The following DSP variants were observed in gnomAD, a reference collection of about 807,000 sequenced individuals.
DSP encodes desmoplakin, also known as 250/210 kDa paraneoplastic pemphigus antigen.
Under a neutral mutation model 290.6 loss-of-function variants are expected in DSP, and 114 were observed. That is an observed-to-expected ratio of 0.39 (90% CI 0.34 to 0.46). The LOEUF is 0.46. Ranked by LOEUF, DSP falls within the 20% of genes least tolerant of loss-of-function variation. The pLI, the probability that DSP is intolerant of heterozygous loss-of-function variation, is 0.99. For synonymous variants in DSP, 1,311 were observed against 1,316.4 expected, an observed-to-expected ratio of 1.00 and a Z score of 0.09; for missense variants, 3,230 against 3,495.8, an observed-to-expected ratio of 0.92 and a Z score of 1.92.
At chr6:7,577,477 C>T (rs937520794) in intron 20 of DSP, among the ~76,000 whole-genome samples, 3 of 152,104 alleles carry the variant, frequency 2.0e-5, no homozygotes, top group African/African-American at 7.2e-5. Flanking sequence ...TACAGGCATG[C>T]ACCACCATGC....
intron 8 of DSP, 91 bp from the exon 9 acceptor site, chr6:7,567,263 A>T: frequency 9.9e-7 from 1 of 1,015,194 alleles, no homozygotes; most frequent in Non-Finnish European, 1.6e-6. Flanking sequence ...AAAACTGCTT[A>T]CTAGCTTTCA....
chr6:7,571,287 G>A, intron 13 of DSP, 96 bp from the exon 14 acceptor site: 1 of 1,163,880 alleles, frequency 8.6e-7, no homozygotes. Flanking sequence ...GTTGCTTTGA[G>A]TCCCATCTAG....
intron 1 of DSP, among the ~76,000 whole-genome samples, chr6:7,543,265 A>G (rs1758070580): frequency 6.6e-6 from 1 of 152,078 alleles, no homozygotes; most frequent in Non-Finnish European, 1.5e-5. Flanking sequence ...TGGGAGGAGC[A>G]ACCTGAATGC....
In DSP at chr6:7,585,729, C is replaced by G. The variant is rs142717240; in HGVS notation, c.8467C>G (p.Pro2823Ala). 5.2e-4 allele frequency: 843 copies of G among 1,612,342 alleles called. 3 individuals are homozygous for G. Among genetic ancestry groups the G allele is most frequent in the Non-Finnish European group, 6.3e-4 (739 of 1,179,000 alleles). The change falls in exon 24 of 24, where the codon CCG (proline) becomes GCG (alanine). Residue 2823 changes from proline to alanine, a missense_variant. Physicochemically the swap from Pro to Ala is conservative, Grantham distance 27. Around this residue, in one of 5 missense-constraint regions of DSP, gnomAD observed 582 missense variants for 555.4 expected, o/e 1.05. Transcript: ENST00000379802. ...LPSPYNMSSA[P>A]GSRSGSRSGS... ...CAGCCCTTACAACATGTCTTCGGCT[C>G]CGGGGTCCCGCTCCGGCTCCCGCTC...
At chr6:7,555,483 A>G (rs1758480540) in intron 1 of DSP, among the ~76,000 whole-genome samples, 1 of 152,210 alleles carries the variant, frequency 6.6e-6, no homozygotes. Context: ...GGGCATGGTT[A>G]TTCTCAAGTG....
In DSP at chr6:7,579,801, G is replaced by A; in HGVS notation, c.3611G>A (p.Ser1204Asn). 1 of 1,613,804 alleles carries A rather than the reference G, an allele frequency of 6.2e-7. No individual in the cohort carries two copies. The highest frequency in any genetic ancestry group is 8.5e-7 in the Non-Finnish European group (1 of 1,179,910). ...KVRNHYNEEMSNLRNKYETEI... is the reference protein window; with the variant it reads ...KVRNHYNEEMNNLRNKYETEI... ...AGAAACCACTATAATGAGGAGATGA[G>A]TAATTTAAGGAACAAGTATGAAACA... The change falls in exon 23 of 24, where the codon AGT becomes AAT. Residue 1204 changes from serine to asparagine, a missense_variant. Physicochemically the swap from Ser to Asn is conservative, Grantham distance 46. Transcript: ENST00000379802. The surrounding 1 kb of genome is among the most constrained non-coding windows in gnomAD (Gnocchi z 4.1).
At position 7,565,355 on chromosome 6, in the gene DSP, G is replaced by C. The variant is rs1296932263; in HGVS notation, c.778-4G>C. On this transcript the variant is annotated splice_region_variant and splice_polypyrimidine_tract_variant and intron_variant, in intron 6 of 23. Coordinates refer to ENST00000379802, the MANE Select transcript of DSP (RefSeq NM_004415.4). The surrounding 1 kb of genome is among the most constrained non-coding windows in gnomAD (Gnocchi z 4.2). ...TTAATGCTGCCTTTGAACCTCCTGT[G>C]CAGAAAGCGTCCTTTGAGAGGATGG... The C allele has an allele frequency of 6.2e-7, 1 of 1,613,994 alleles. No homozygotes were observed.
In DSP at chr6:7,565,788, A is replaced by G; in HGVS notation, c.939+268A>G. On this transcript the variant is annotated intron_variant, in intron 7 of 23. Coordinates refer to ENST00000379802, the MANE Select transcript of DSP (RefSeq NM_004415.4). The surrounding 1 kb of genome is among the most constrained non-coding windows in gnomAD (Gnocchi z 4.2). Reference sequence around the variant, plus strand: ...CTAAATGATGAGAATACATGGATACATCGAGGGCAACAACACACACTGGGG... The same window carrying G: ...CTAAATGATGAGAATACATGGATACGTCGAGGGCAACAACACACACTGGGG... 2.2e-6 allele frequency: 1 copy of G among 455,150 alleles called. No homozygotes were observed. Among genetic ancestry groups the G allele is most frequent in the Non-Finnish European group, 4.1e-6 (1 of 246,866 alleles). The allele number at this position is 455,150 out of a possible 1,614,324, so 28.2% of individuals were successfully genotyped here.
chr6:7,575,679 T>G (rs1330251128), intron 18 of DSP, among the ~76,000 whole-genome samples, 191 bp downstream of exon 18: 1 of 152,190 alleles, frequency 6.6e-6, no homozygotes, highest in East Asian at 1.9e-4. Flanking sequence ...TGCATCACGA[T>G]AGCCAACCCT....
In DSP at chr6:7,574,175, C is replaced by T; in HGVS notation, c.2220C>T (p.Cys740=). The change falls in exon 16 of 24, where the codon TGC becomes TGT. Residue 740 remains cysteine, a synonymous_variant. Transcript: ENST00000379802. The part of the protein sequence containing the change: ...LANFRGSEKY[C]YLQNEVFGLF... ...ACTTCAGAGGTTCTGAAAAGTACTGCTATTTACAGAATGAAGTATTTGGAC... is the reference window on the plus strand; with the variant it reads ...ACTTCAGAGGTTCTGAAAAGTACTGTTATTTACAGAATGAAGTATTTGGAC... 6.2e-7 allele frequency: 1 copy of T among 1,613,830 alleles called. No individual in the cohort carries two copies. The highest frequency in any genetic ancestry group is 1.1e-5 in the South Asian group (1 of 91,066).
rs138329459 is a variant in DSP, at chr6:7,585,717, A to G, written c.8455A>G (p.Met2819Val). The change falls in exon 24 of 24, where the codon ATG becomes GTG. Residue 2819 changes from methionine to valine, a missense_variant. Physicochemically the swap from Met to Val is conservative, Grantham distance 21. Around this residue, in one of 5 missense-constraint regions of DSP, gnomAD observed 582 missense variants for 555.4 expected, o/e 1.05. Coordinates refer to ENST00000379802, the MANE Select transcript of DSP (RefSeq NM_004415.4). ...SSKGLPSPYN[M>V]SSAPGSRSGS... ...CAAGGGCTTACCCAGCCCTTACAAC[A>G]TGTCTTCGGCTCCGGGGTCCCGCTC... 1 of 1,613,220 alleles carries G rather than the reference A, an allele frequency of 6.2e-7. No individual in the cohort carries two copies. The highest frequency in any genetic ancestry group is 2.2e-5 in the East Asian group (1 of 44,858).
Position 7,579,851 on chromosome 6 carries a change from A to G in DSP, c.3661A>G (p.Ile1221Val), listed in dbSNP as rs794728120. The G allele has an allele frequency of 9.3e-6, 15 of 1,614,074 alleles. No homozygotes were observed. Among genetic ancestry groups the G allele is most frequent in the African/African-American group, 1.3e-5 (1 of 74,932 alleles). ...ETEINITKTT[I>V]KEISMQKEDD... ...AGAGATTAACATTACGAAGACCACC[A>G]TCAAGGAGATATCCATGCAAAAAGA... Residue 1221 changes from isoleucine (I) to valine (V), a missense_variant, in exon 23 of 24, where the codon ATC becomes GTC. Around this residue, in one of 5 missense-constraint regions of DSP, gnomAD observed 1,714 missense variants for 1,844.5 expected, o/e 0.93. Transcript: ENST00000379802. This position sits in a 1 kb window ranked among gnomAD's most constrained non-coding sequence, Gnocchi z 4.1.
At position 7,571,931 on chromosome 6, in the gene DSP, G is replaced by A. The variant is rs2113679925; in HGVS notation, c.1993G>A (p.Glu665Lys). Residue 665 changes from glutamate (E) to lysine (K), a missense_variant, in exon 15 of 24, where the codon GAA (glutamate) becomes AAA (lysine). Glu to Lys is a moderately conservative substitution (Grantham distance 56, BLOSUM62 1). Around this residue, in one of 5 missense-constraint regions of DSP, gnomAD observed 1,714 missense variants for 1,844.5 expected, o/e 0.93. Transcript: ENST00000379802. ...IETNRENDKQ[E>K]TWMLMELQKI... ...AACCAACAGAGAAAATGACAAGCAA[G>A]AAACATGGATGCTGATGGAGCTGCA... 6.2e-7 allele frequency: 1 copy of A among 1,614,108 alleles called. No individual in the cohort carries two copies. Among genetic ancestry groups the A allele is most frequent in the Non-Finnish European group, 8.5e-7 (1 of 1,180,024 alleles).
chr6:7,566,349 A>G (rs886504145), intron 7 of DSP, 28 bp from the exon 8 acceptor site: 7 of 1,585,814 alleles, frequency 4.4e-6, no homozygotes, highest in African/African-American at 2.7e-5. Flanking sequence ...GACTTGCTGC[A>G]AAGGATTTCT....
In DSP at chr6:7,581,057, T is replaced by C. The variant is rs749679496; in HGVS notation, c.4867T>C (p.Ser1623Pro). 17 of 1,613,800 alleles carry C rather than the reference T, an allele frequency of 1.1e-5. No homozygotes were observed. Among genetic ancestry groups the C allele is most frequent in the Non-Finnish European group, 1.4e-5 (16 of 1,179,998 alleles). The change falls in exon 23 of 24, where the codon TCC becomes CCC. Residue 1623 changes from serine (S) to proline (P), a missense_variant. Coordinates refer to ENST00000379802, the MANE Select transcript of DSP (RefSeq NM_004415.4). ...TNLTQQLEQASIVKKRSEDDL... is the reference protein window; with the variant it reads ...TNLTQQLEQAPIVKKRSEDDL... ...CCTGACCCAGCAGCTGGAGCAGGCA[T>C]CCATTGTTAAGAAGAGGAGTGAGGA...
At position 7,565,385 on chromosome 6, in the gene DSP, C is replaced by T; in HGVS notation, c.804C>T (p.His268=). ...LLKASFERMD[H]LRQLQNIIQA... ...AAGCGTCCTTTGAGAGGATGGATCA[C>T]CTGCGACAGCTGCAGAACATCATTC... Residue 268 remains histidine, a synonymous_variant, in exon 7 of 24, where the codon CAC becomes CAT. Transcript: ENST00000379802. This position sits in a 1 kb window ranked among gnomAD's most constrained non-coding sequence, Gnocchi z 4.2. 6.2e-7 allele frequency: 1 copy of T among 1,614,084 alleles called. No individual in the cohort carries two copies. Among genetic ancestry groups the T allele is most frequent in the South Asian group, 1.1e-5 (1 of 91,080 alleles).
intron 1 of DSP, among the ~76,000 whole-genome samples, chr6:7,554,268 G>T (rs1758437384): frequency 6.6e-6 from 1 of 152,144 alleles, no homozygotes; most frequent in Non-Finnish European, 1.5e-5. Context: ...AAATCTCTCT[G>T]AAACCAAACT....
At chr6:7,559,492 C>CTCT in intron 4 of DSP, 92 bp downstream of exon 4, 1 of 1,535,944 alleles carries the variant, frequency 6.5e-7, no homozygotes, top group Non-Finnish European at 8.9e-7. Flanking sequence ...AAAGAGTCTT[C>CTCT]TAGACCTCAG....
chr6:7,542,759 C>A (rs1033959064), intron 1 of DSP, among the ~76,000 whole-genome samples: 1 of 152,232 alleles, frequency 6.6e-6, no homozygotes, highest in African/African-American at 2.4e-5. Flanking sequence ...TCGGCCGGGA[C>A]GTGCCTGTTA....
Sources: allele counts gnomAD v4.1 joint callset (sites outside exome capture counted in the v4.1 genomes callset), GRCh38; gene constraint gnomAD v4.1.1; regional missense constraint gnomAD v4.1.1; non-coding constraint Gnocchi (gnomAD v3.1); transcripts MANE v1.5; gene names NCBI Gene and HGNC (gene_info 2026-07-23, HGNC 2026-07-21).